GLB1: variants seen among roughly 807,000 people sequenced by gnomAD.
GLB1 encodes the protein beta-galactosidase.
GLB1 carries 56 observed loss-of-function variants against 74.0 expected under a neutral mutation model. The ratio of observed to expected loss-of-function variants is 0.76; its 90% CI spans 0.61 to 0.94. The LOEUF is 0.94. Among genes scored for constraint, GLB1 ranks in the 40% least tolerant of loss-of-function variants. GLB1 has a pLI of 0.00. For synonymous variants in GLB1, 323 were observed against 323.6 expected (o/e 1.00, Z 0.02); for missense variants, 787 against 845.5 (o/e 0.93, Z 0.86).
At chr3:33,062,726 T>C (rs1699494250) in intron 5 of GLB1, among the ~76,000 whole-genome samples, 1 of 152,266 alleles carries the variant, frequency 6.6e-6, no homozygotes, top group South Asian at 2.1e-4. Flanking sequence ...AGGTGGAGGT[T>C]GCAGTGAGCC....
the GLB1 span, among the ~76,000 whole-genome samples, chr3:32,986,974 C>T: frequency 2.0e-5 from 3 of 152,294 alleles, no homozygotes; most frequent in East Asian, 1.9e-4. Flanking sequence ...GTTTAGAGAC[C>T]GACAGCAGAT....
intron 13 of GLB1, among the ~76,000 whole-genome samples, chr3:33,017,915 G>A (rs1002219289): frequency 5.9e-5 from 9 of 152,124 alleles, no homozygotes; most frequent in Non-Finnish European, 8.8e-5. Flanking sequence ...TAAGATGGTG[G>A]GTAGGGTGGA....
Position 32,996,972 on chromosome 3 carries a change from A to T in GLB1, c.*73T>A. 6.2e-7 allele frequency: 1 copy of T among 1,611,042 alleles called. No homozygotes were observed. The highest frequency in any genetic ancestry group is 8.5e-7 in the Non-Finnish European group (1 of 1,178,078). On this transcript the variant is annotated 3_prime_UTR_variant, in exon 16 of 16. Transcript: ENST00000307363. ...TTCCATTTCCACATTCCAATCAGTG[A>T]AATGTGGCATGACAGGGAGGATCTG...
intron 1 of GLB1, among the ~76,000 whole-genome samples, chr3:33,088,368 TACACACACACACAC>T (rs55949952): frequency 3.5e-5 from 5 of 141,714 alleles, no homozygotes; most frequent in East Asian, 2.0e-4. Context: ...CCCTAAAGAC[TACACACACACACAC>T]ACACACACAC....
intron 15 of GLB1, among the ~76,000 whole-genome samples, chr3:33,006,334 G>A (rs1175861156): frequency 6.6e-6 from 1 of 152,134 alleles, no homozygotes; most frequent in Non-Finnish European, 1.5e-5. Flanking sequence ...CGCACGCGAG[G>A]GATATAGGCT....
At chr3:33,035,012 T>G (rs1456613404) in intron 10 of GLB1, among the ~76,000 whole-genome samples, 1 of 152,156 alleles carries the variant, frequency 6.6e-6, no homozygotes, top group Non-Finnish European at 1.5e-5. Context: ...CAGGCATTAT[T>G]TGGGAGGTTT....
the GLB1 span, among the ~76,000 whole-genome samples, chr3:32,988,651 G>A: frequency 3.9e-5 from 6 of 152,308 alleles, no homozygotes; most frequent in African/African-American, 1.4e-4. Context: ...TGAACAATCA[G>A]AATTCCATCT....
intron 10 of GLB1, among the ~76,000 whole-genome samples, chr3:33,032,507 C>T (rs1338095943): frequency 6.6e-6 from 1 of 152,144 alleles, no homozygotes; most frequent in African/African-American, 2.4e-5. Flanking sequence ...TCAACAACTC[C>T]TCATTCTTTC....
the GLB1 span, among the ~76,000 whole-genome samples, chr3:32,964,694 G>T: frequency 6.6e-6 from 1 of 152,144 alleles, no homozygotes; most frequent in East Asian, 1.9e-4. Flanking sequence ...TCTACACCTA[G>T]GTATTGATCC....
chr3:32,997,481 C>A, intron 15 of GLB1, 137 bp from the exon 16 acceptor site: 1 of 1,405,068 alleles, frequency 7.1e-7, no homozygotes, highest in Admixed American at 2.0e-5. Flanking sequence ...GACAGCCAGG[C>A]CCATGCCAGC....
intron 10 of GLB1, among the ~76,000 whole-genome samples, chr3:33,026,686 C>T (rs911091066): frequency 1.3e-5 from 2 of 152,132 alleles, no homozygotes; most frequent in Non-Finnish European, 2.9e-5. Context: ...GCTGGCTCAG[C>T]AAGACCAGAA....
In GLB1 at chr3:33,093,247, C is replaced by T; in HGVS notation, c.75+3764G>A. 6.2e-7 allele frequency: 1 copy of T among 1,614,180 alleles called. No individual in the cohort carries two copies. The highest frequency in any genetic ancestry group is 1.1e-5 in the South Asian group (1 of 91,076). On this transcript the variant is annotated intron_variant, in intron 1 of 15. Transcript: ENST00000307363. This position sits in a 1 kb window ranked among gnomAD's most constrained non-coding sequence, Gnocchi z 6.0. The stretch of plus-strand genomic sequence containing the variant: ...TCCTCACTCCCACTGCCACTGCCAC[C>T]ACCACCACGTTGGGCCCGTGTGGCG...
chr3:33,097,046 C>A lies in GLB1; in HGVS notation c.40G>T (p.Val14Phe). Reference sequence around the variant, plus strand: ...CGCGTAGGGCCCAGAAGCAGCAGAACCAGCAACAGAGGGAGGATGCGAACC... The same window carrying A: ...CGCGTAGGGCCCAGAAGCAGCAGAAACAGCAACAGAGGGAGGATGCGAACC... ...FLVRILPLLL[V>F]LLLLGPTRGL... is the part of the protein sequence containing the mutation. Residue 14 changes from valine (V) to phenylalanine (F), a missense_variant, in exon 1 of 16, where the codon GTT becomes TTT. Physicochemically the swap from Val to Phe is conservative, Grantham distance 50 (BLOSUM62 -1). Transcript: ENST00000307363. 1 of 1,612,110 alleles carries A rather than the reference C, an allele frequency of 6.2e-7. No individual in the cohort carries two copies. The highest frequency in any genetic ancestry group is 8.5e-7 in the Non-Finnish European group (1 of 1,178,716).
intron 1 of GLB1, among the ~76,000 whole-genome samples, chr3:33,095,303 G>A (rs187400915): frequency 6.6e-6 from 1 of 151,746 alleles, no homozygotes; most frequent in Admixed American, 6.6e-5. Context: ...GGGTCACGAG[G>A]TCAGGAGATC....
chr3:33,092,899 C>T (rs766892817), intron 1 of GLB1: 5 of 1,613,888 alleles, frequency 3.1e-6, no homozygotes, highest in Admixed American at 3.3e-5. Context: ...ATGGGTATCC[C>T]GTAGTAGGCT....
chr3:33,037,657 T>G (rs1382186580), intron 10 of GLB1, among the ~76,000 whole-genome samples: 1 of 152,074 alleles, frequency 6.6e-6, no homozygotes, highest in African/African-American at 2.4e-5. Flanking sequence ...ACATAAAAAC[T>G]AATAGAATGG....
the GLB1 span, among the ~76,000 whole-genome samples, chr3:32,981,381 C>T: frequency 2.5e-5 from 3 of 118,382 alleles, no homozygotes; most frequent in African/African-American, 6.4e-5. Context: ...GCCTGGGTGA[C>T]AGAGTGAGAC....
chr3:32,988,597 C>G, the GLB1 span, among the ~76,000 whole-genome samples: 1 of 152,184 alleles, frequency 6.6e-6, no homozygotes. Flanking sequence ...GAAAACCAGA[C>G]AGTTAATCTC....
At chr3:33,016,422 T>C (rs1369245392) in intron 14 of GLB1, among the ~76,000 whole-genome samples, 1 of 152,188 alleles carries the variant, frequency 6.6e-6, no homozygotes, top group Non-Finnish European at 1.5e-5. Context: ...AGTGGCATGA[T>C]CATAGGTCAT....
Sources: allele counts gnomAD v4.1 joint callset (sites outside exome capture counted in the v4.1 genomes callset), GRCh38; gene constraint gnomAD v4.1.1; non-coding constraint Gnocchi (gnomAD v3.1); transcripts MANE v1.5; gene names NCBI Gene and HGNC (gene_info 2026-07-23, HGNC 2026-07-21).